SSBP4: variants seen among roughly 807,000 people sequenced by gnomAD.
The protein encoded by SSBP4 is single-stranded DNA-binding protein 4.
In SSBP4, 33 loss-of-function variants were observed where a neutral mutation model predicts 64.6. The observed-to-expected ratio is 0.51, with a 90% CI of 0.39 to 0.68. The LOEUF (loss-of-function observed/expected upper bound fraction) is 0.68, where lower values mean the gene tolerates loss of function less well. SSBP4 is among the 30% of genes least tolerant of loss of function. The probability of loss-of-function intolerance (pLI) is 0.00; values close to 1 mark genes in which losing one functional copy is unlikely to be tolerated. For synonymous variants in SSBP4, 243 were observed against 224.0 expected (o/e 1.08, Z -0.76); for missense variants, 583 against 566.8 (o/e 1.03, Z -0.29).
chr19:18,420,855 AAAAAAAAC>A (rs1284521139), intron 1 of SSBP4, among the ~76,000 whole-genome samples: 2 of 151,830 alleles, frequency 1.3e-5, no homozygotes, highest in Non-Finnish European at 2.9e-5. Context: ...CATCTCAAAA[AAAAAAAAC>A]AAAAAACAAA....
intron 1 of SSBP4, among the ~76,000 whole-genome samples, chr19:18,424,259 G>T (rs1452579729): frequency 6.6e-6 from 1 of 152,162 alleles, no homozygotes; most frequent in South Asian, 2.1e-4. Context: ...TAATCCTCCC[G>T]GCATCCCAGG....
chr19:18,433,413 C>G lies in SSBP4; in HGVS notation c.992-172C>G, dbSNP rs1225653199. The stretch of plus-strand genomic sequence containing the variant: ...AAACCAGAGGATGCACTGACCGCCC[C>G]TCCCCCCCAGGCCCAACCCTCCACC... On this transcript the variant is annotated intron_variant, in intron 15 of 17. Transcript: ENST00000270061. 2.0e-5 allele frequency: 26 copies of G among 1,315,764 alleles called. No individual in the cohort carries two copies. The East Asian group carries it at 6.6e-4, about 33-fold the overall frequency. The allele number at this position is 1,315,764 out of a possible 1,614,324, so 81.5% of individuals were successfully genotyped here.
intron 1 of SSBP4, among the ~76,000 whole-genome samples, chr19:18,420,870 C>A (rs1042587655): frequency 3.3e-5 from 5 of 150,816 alleles, no homozygotes; most frequent in Non-Finnish European, 4.4e-5. Context: ...AAACAAAAAA[C>A]AAAAAAACAG....
rs1175026208 is a variant in SSBP4 at position 18,431,667 on chromosome 19, C to T, written c.456C>T (p.Phe152=). 4 of 1,552,732 alleles carry T rather than the reference C, an allele frequency of 2.6e-6. No individual in the cohort carries two copies. In the Admixed American group the frequency reaches 7.7e-5, roughly 30 times the overall value. ...TCCAGCCCTTCATGTCACCGCGCTT[C>T]CCAGGGGGCCCCCGGCCCACCCTGC... The part of the protein sequence containing the change: ...PHGQPFMSPR[F]PGGPRPTLRM... Residue 152 remains phenylalanine (F), a synonymous_variant, in exon 7 of 18, where the codon TTC becomes TTT. Transcript: ENST00000270061.
At chr19:18,406,333 A>G in the SSBP4 span, among the ~76,000 whole-genome samples, 1 of 150,128 alleles carries the variant, frequency 6.7e-6, no homozygotes, top group African/African-American at 2.4e-5. Context: ...TATTATTACT[A>G]TTATTATTAT....
chr19:18,429,470 C>CGGG (rs72317419), intron 4 of SSBP4, among the ~76,000 whole-genome samples: 1 of 116,442 alleles, frequency 8.6e-6, no homozygotes, highest in Non-Finnish European at 2.0e-5. Context: ...TCGCAGGGGG[C>CGGG]GGGGGGGGGG....
the SSBP4 span, among the ~76,000 whole-genome samples, chr19:18,407,258 G>A: frequency 5.3e-5 from 8 of 151,714 alleles, no homozygotes; most frequent in Admixed American, 4.6e-4. Context: ...GGCTGGTCTC[G>A]AACTCCTGAC....
the SSBP4 span, among the ~76,000 whole-genome samples, chr19:18,411,230 C>A: frequency 4.6e-5 from 7 of 152,152 alleles, no homozygotes; most frequent in East Asian, 9.6e-4. Context: ...CATGGGCTCA[C>A]GCCTGTAATC....
chr19:18,409,079 G>T, the SSBP4 span, among the ~76,000 whole-genome samples: 1 of 152,166 alleles, frequency 6.6e-6, no homozygotes, highest in Non-Finnish European at 1.5e-5. Flanking sequence ...CTCCCAAAGT[G>T]CTGGGATTAC....
chr19:18,428,514 G>A (rs1374090952), intron 4 of SSBP4, among the ~76,000 whole-genome samples: 4 of 152,188 alleles, frequency 2.6e-5, no homozygotes, highest in Non-Finnish European at 4.4e-5. Flanking sequence ...GGCCGGCCTG[G>A]AGTGGAGGCT....
chr19:18,411,838 G>T, the SSBP4 span, among the ~76,000 whole-genome samples: 1 of 152,166 alleles, frequency 6.6e-6, no homozygotes, highest in Non-Finnish European at 1.5e-5. Context: ...GGACCTTAGG[G>T]TACCACAGGA....
At chr19:18,434,019 C>T in intron 17 of SSBP4, 198 bp from the exon 18 acceptor site, 2 of 1,174,230 alleles carry the variant, frequency 1.7e-6, no homozygotes, top group Non-Finnish European at 2.1e-6. Context: ...CCGTCCCGAT[C>T]CCATCCGCCC....
intron 5 of SSBP4, 87 bp downstream of exon 5, chr19:18,431,017 A>G (rs1056333036): frequency 9.5e-6 from 14 of 1,468,464 alleles, no homozygotes; most frequent in South Asian, 2.4e-5. Context: ...GGCAGAGGTC[A>G]TGAGGCCGGC....
At chr19:18,425,159 C>G (rs1486078401) in intron 1 of SSBP4, among the ~76,000 whole-genome samples, 1 of 151,894 alleles carries the variant, frequency 6.6e-6, no homozygotes, top group South Asian at 2.1e-4. Context: ...TGGGGACAGT[C>G]GAGGAACAGG....
Position 18,427,469 on chromosome 19 carries a change from CG to C in SSBP4, c.132+51del. ...TGGCCCTCCCTCCTCACCCACACTC[CG>C]GGGGTCCTTCATTTCCACTGGGGAT... is the stretch of plus-strand genomic sequence containing the variant. On this transcript the variant is annotated intron_variant, in intron 2 of 17. Coordinates refer to ENST00000270061, the MANE Select transcript of SSBP4 (RefSeq NM_032627.5). This position sits in a 1 kb window ranked among gnomAD's most constrained non-coding sequence, Gnocchi z 4.4. The C allele has an allele frequency of 1.9e-6, 3 of 1,587,632 alleles. No homozygotes were observed. The highest frequency in any genetic ancestry group is 1.3e-5 in the African/African-American group (1 of 74,712).
chr19:18,433,904 A>G (rs1973757516), intron 17 of SSBP4, 87 bp downstream of exon 17: 1 of 1,245,312 alleles, frequency 8.0e-7, no homozygotes, highest in South Asian at 3.2e-5. Flanking sequence ...CCGGGGGGCC[A>G]GAGCAAGACC....
At chr19:18,403,862 C>G in the SSBP4 span, among the ~76,000 whole-genome samples, 1 of 152,070 alleles carries the variant, frequency 6.6e-6, no homozygotes, top group Non-Finnish European at 1.5e-5. Flanking sequence ...CAAGGCTCCA[C>G]TGGCCTCATC....
the SSBP4 span, among the ~76,000 whole-genome samples, chr19:18,413,770 A>C: frequency 6.6e-6 from 1 of 151,840 alleles, no homozygotes; most frequent in African/African-American, 2.4e-5. Flanking sequence ...TAATCGCAGC[A>C]CTTTGGGAGG....
Position 18,427,774 on chromosome 19 carries a change from C to T in SSBP4, c.155C>T (p.Thr52Met), listed in dbSNP as rs1242021036. 4.4e-6 allele frequency: 7 copies of T among 1,603,166 alleles called. No homozygotes were observed. The highest frequency in any genetic ancestry group is 2.2e-5 in the East Asian group (1 of 44,650). The change falls in exon 3 of 18, where the codon ACG becomes ATG. Residue 52 changes from threonine to methionine, a missense_variant. Coordinates refer to ENST00000270061, the MANE Select transcript of SSBP4 (RefSeq NM_032627.5). The surrounding 1 kb of genome is among the most constrained non-coding windows in gnomAD (Gnocchi z 4.4). ...CAGATCCGATGGGAGAAGAACATCA[C>T]GCTGGGGGAGCCCCCTGGGTTCCTG... ...LSEIRWEKNI[T>M]LGEPPGFLHS...
Sources: gnomAD v4.1 joint callset for allele counts (sites outside exome capture counted in the v4.1 genomes callset) on GRCh38, gnomAD v4.1.1 for gene constraint, Gnocchi (gnomAD v3.1) non-coding constraint, MANE v1.5 for transcripts, NCBI Gene and HGNC (gene_info 2026-07-23, HGNC 2026-07-21) for gene names.